ZNF587: variants seen among roughly 807,000 people sequenced by gnomAD.
ZNF587 encodes zinc finger protein 587.
ZNF587 carries 8 observed loss-of-function variants against 7.5 expected under a neutral mutation model. The observed-to-expected ratio is 1.06, with a 90% CI of 0.62 to 1.92. The LOEUF is 1.92. ZNF587 is among the 40% of genes most tolerant of loss of function. The pLI is 0.00. For missense variants in ZNF587, 468 were observed against 692.8 expected, an observed-to-expected ratio of 0.68 and a Z score of 3.64; for synonymous variants, 145 against 237.8, an observed-to-expected ratio of 0.61 and a Z score of 3.59.
At chr19:57,858,515 G>T (rs1460466733) in intron 2 of ZNF587, 61 bp from the exon 3 acceptor site, 142 of 1,554,178 alleles carry the variant, frequency 9.1e-5, no homozygotes, top group South Asian at 5.8e-4. Flanking sequence ...CGTACTTGTG[G>T]GTGGGCTGTG....
chr19:57,849,881 T>A lies in ZNF587; in HGVS notation c.-158T>A, dbSNP rs565628771. 5.3e-6 allele frequency: 8 copies of A among 1,509,750 alleles called. No individual in the cohort carries two copies. In the South Asian group the frequency reaches 7.6e-5, roughly 14 times the overall value. 93.5% of individuals were successfully genotyped at this position (1,509,750 alleles called of 1,614,324 possible). The stretch of plus-strand genomic sequence containing the variant: ...TCTAGTAGCGGCTGTGTATCGGCGA[T>A]GCGGGTGTTTCCCCAGTTTGTGGCC... On this transcript the variant is annotated 5_prime_UTR_variant, in exon 1 of 3. The change abolishes an upstream ATG in the 5' untranslated region. Coordinates refer to ENST00000339656, the MANE Select transcript of ZNF587 (RefSeq NM_032828.4).
chr19:57,857,783 T>A (rs542482938), intron 2 of ZNF587, among the ~76,000 whole-genome samples: 41 of 151,720 alleles, frequency 2.7e-4, no homozygotes, highest in African/African-American at 9.7e-4. Flanking sequence ...TACAGGCACA[T>A]GCCACCATGC....
In ZNF587 at chr19:57,862,565, A is replaced by T. The variant is rs1207729014; in HGVS notation, c.*2425A>T. On this transcript the variant is annotated 3_prime_UTR_variant, in exon 3 of 3. Coordinates refer to ENST00000339656, the MANE Select transcript of ZNF587 (RefSeq NM_032828.4). ...TCTGCTGAAATGGCAGTTTCTTCTC[A>T]GCAAGGTGAGATTATGGAATCCAGA... is the stretch of plus-strand genomic sequence containing the variant. 6.5e-6 allele frequency: 1 copy of T among 154,840 alleles called. No individual in the cohort carries two copies. The highest frequency in any genetic ancestry group is 1.5e-5 in the Non-Finnish European group (1 of 68,236). The allele number at this position is 154,840 out of a possible 1,614,324, so 9.6% of individuals were successfully genotyped here.
Position 57,860,149 on chromosome 19 carries a change from A to T in ZNF587, c.*9A>T, listed in dbSNP as rs1197956190. On this transcript the variant is annotated 3_prime_UTR_variant, in exon 3 of 3. Coordinates refer to ENST00000339656, the MANE Select transcript of ZNF587 (RefSeq NM_032828.4). ...GGAGAAAGGCCTTATGAGTGCAGTG[A>T]ATATGGGAAATCGTTTGCTGAAGCA... 1 of 1,614,034 alleles carries T rather than the reference A, an allele frequency of 6.2e-7. No individual in the cohort carries two copies. The highest frequency in any genetic ancestry group is 1.3e-5 in the African/African-American group (1 of 74,940).
chr19:57,850,690 C>T (rs151089597), intron 1 of ZNF587: 2 of 397,430 alleles, frequency 5.0e-6, no homozygotes, highest in East Asian at 7.1e-5. Flanking sequence ...AAAGGCGGGT[C>T]CAGGTGGCCA....
chr19:57,863,822 A>C lies in ZNF587; in HGVS notation c.*3682A>C, dbSNP rs922339337. The C allele has an allele frequency of 2.6e-5, 4 of 151,760 alleles. No homozygotes were observed. The highest frequency in any genetic ancestry group is 2.9e-5 in the Non-Finnish European group (2 of 67,972). 9.4% of individuals were successfully genotyped at this position (151,760 alleles called of 1,614,324 possible). A position where few individuals can be genotyped will look rare whatever the true frequency, so the allele number is the denominator to read the frequency against. On this transcript the variant is annotated 3_prime_UTR_variant, in exon 3 of 3. Coordinates refer to ENST00000339656, the MANE Select transcript of ZNF587 (RefSeq NM_032828.4). ...CACTTTGGGAGGCTGAGGTGGGCGGATCACAAGGTCAGGAGTTCAAGACCA... is the reference window on the plus strand; with the variant it reads ...CACTTTGGGAGGCTGAGGTGGGCGGCTCACAAGGTCAGGAGTTCAAGACCA...
intron 1 of ZNF587, 41 bp from the exon 2 acceptor site, chr19:57,856,063 A>G (rs2071351434): frequency 6.2e-7 from 1 of 1,611,302 alleles, no homozygotes; most frequent in African/African-American, 1.3e-5. Flanking sequence ...GTGGTACCTC[A>G]GCAGAGGGGC....
At position 57,860,363 on chromosome 19, in the gene ZNF587, G is replaced by T; in HGVS notation, c.*223G>T. On this transcript the variant is annotated 3_prime_UTR_variant, in exon 3 of 3. Transcript: ENST00000339656. ...GGCTCGCTGCAACTTGGGCCTCCTG[G>T]GTTCATGCAATCCTCCTACCTCAGC... 1.4e-6 allele frequency: 1 copy of T among 734,508 alleles called. No individual in the cohort carries two copies. Among genetic ancestry groups the T allele is most frequent in the Non-Finnish European group, 2.2e-6 (1 of 457,290 alleles). 45.5% of individuals were successfully genotyped at this position (734,508 alleles called of 1,614,324 possible). A position where few individuals can be genotyped will look rare whatever the true frequency, so the allele number is the denominator to read the frequency against.
chr19:57,852,695 T>C (rs2071295701), intron 1 of ZNF587, among the ~76,000 whole-genome samples: 2 of 152,070 alleles, frequency 1.3e-5, no homozygotes, highest in South Asian at 4.2e-4. Flanking sequence ...GCCCAGCTAA[T>C]TTTTGTATTT....
At position 57,861,581 on chromosome 19, in the gene ZNF587, G is replaced by C. The variant is rs1816479151; in HGVS notation, c.*1441G>C. ...TGGGCTCAGGCGATCCACTTGCCTA[G>C]GCTCCAAAAGTGCTTGGTCTACAGG... On this transcript the variant is annotated 3_prime_UTR_variant, in exon 3 of 3. Coordinates refer to ENST00000339656, the MANE Select transcript of ZNF587 (RefSeq NM_032828.4). 6.6e-6 allele frequency: 1 copy of C among 152,134 alleles called. No homozygotes were observed. Among genetic ancestry groups the C allele is most frequent in the South Asian group, 2.1e-4 (1 of 4,828 alleles). The allele number at this position is 152,134 out of a possible 1,614,324, so 9.4% of individuals were successfully genotyped here.
Position 57,863,011 on chromosome 19 carries a change from G to C in ZNF587, c.*2871G>C, listed in dbSNP as rs1341181170. On this transcript the variant is annotated 3_prime_UTR_variant, in exon 3 of 3. Transcript: ENST00000339656. Reference sequence around the variant, plus strand: ...TCTTTCACCCAGGCTGGAGTGCAGTGGCACGATCTCGGCTCACTGCAACTC... The same window carrying C: ...TCTTTCACCCAGGCTGGAGTGCAGTCGCACGATCTCGGCTCACTGCAACTC... 6.5e-6 allele frequency: 1 copy of C among 153,198 alleles called. No homozygotes were observed. Among genetic ancestry groups the C allele is most frequent in the Non-Finnish European group, 1.5e-5 (1 of 68,270 alleles). 9.5% of individuals were successfully genotyped at this position (153,198 alleles called of 1,614,324 possible). A position where few individuals can be genotyped will look rare whatever the true frequency, so the allele number is the denominator to read the frequency against.
intron 1 of ZNF587, chr19:57,850,864 C>A (rs979478602): frequency 7.1e-6 from 2 of 282,834 alleles, no homozygotes; most frequent in African/African-American, 4.4e-5. Flanking sequence ...ATGTAAAGCA[C>A]TGGCCGTTTC....
Position 57,850,070 on chromosome 19 carries a change from A to G in ZNF587, c.32A>G (p.Gln11Arg). 2 of 1,614,264 alleles carry G rather than the reference A, an allele frequency of 1.2e-6. No individual in the cohort carries two copies. The highest frequency in any genetic ancestry group is 2.2e-5 in the East Asian group (1 of 44,874). The stretch of plus-strand genomic sequence containing the variant: ...GCGGCTGTGCCGAGGCGCCCAACTC[A>G]GGTAATTGTGGTGCCTTCTGTGCCC... The part of the protein sequence containing the change: MAAAVPRRPT[Q>R]QGTVTFEDVA... The change falls in exon 1 of 3, where the codon CAG becomes CGG. Residue 11 changes from glutamine to arginine, a missense_variant and splice_region_variant. By Grantham distance (43) the Gln-to-Arg change is conservative (BLOSUM62 1). Around this residue, in one of 5 missense-constraint regions of ZNF587, gnomAD observed 92 missense variants for 89.7 expected, o/e 1.03. Transcript: ENST00000339656.
rs1322819152 is a variant in ZNF587 at position 57,863,789 on chromosome 19, A to C, written c.*3649A>C. The stretch of plus-strand genomic sequence containing the variant: ...GCCAGGTGTGGTGGCTGAGGCCTGT[A>C]ATCCCACCACTTTGGGAGGCTGAGG... On this transcript the variant is annotated 3_prime_UTR_variant, in exon 3 of 3. Coordinates refer to ENST00000339656, the MANE Select transcript of ZNF587 (RefSeq NM_032828.4). 2 of 151,912 alleles carry C rather than the reference A, an allele frequency of 1.3e-5. No individual in the cohort carries two copies. Among genetic ancestry groups the C allele is most frequent in the Admixed American group, 6.6e-5 (1 of 15,244 alleles). 9.4% of individuals were successfully genotyped at this position (151,912 alleles called of 1,614,324 possible). A position where few individuals can be genotyped will look rare whatever the true frequency, so the allele number is the denominator to read the frequency against.
At chr19:57,854,743 T>C (rs1331005984) in intron 1 of ZNF587, among the ~76,000 whole-genome samples, 1 of 151,984 alleles carries the variant, frequency 6.6e-6, no homozygotes, top group East Asian at 1.9e-4. Context: ...TCTTGTGAAA[T>C]AATTTTATTT....
chr19:57,852,913 C>A (rs914579998), intron 1 of ZNF587, among the ~76,000 whole-genome samples: 2 of 123,460 alleles, frequency 1.6e-5, no homozygotes, highest in African/African-American at 6.3e-5. Context: ...AGTCTAGTGG[C>A]ACAATCTCAG....
At position 57,861,503 on chromosome 19, in the gene ZNF587, G is replaced by C. The variant is rs892073662; in HGVS notation, c.*1363G>C. The C allele has an allele frequency of 6.6e-5, 10 of 152,052 alleles. No individual in the cohort carries two copies. Among genetic ancestry groups the C allele is most frequent in the African/African-American group, 2.4e-4 (10 of 41,484 alleles). The allele number at this position is 152,052 out of a possible 1,614,324, so 9.4% of individuals were successfully genotyped here. A position where few individuals can be genotyped will look rare whatever the true frequency, so the allele number is the denominator to read the frequency against. ...GCACCACCACAACTGGATAACTTTT[G>C]TATTTTCTGTAGAGAGGGTTTTACC... On this transcript the variant is annotated 3_prime_UTR_variant, in exon 3 of 3. Coordinates refer to ENST00000339656, the MANE Select transcript of ZNF587 (RefSeq NM_032828.4).
At chr19:57,850,564 G>C (rs2071269159) in intron 1 of ZNF587, 1 of 412,994 alleles carries the variant, frequency 2.4e-6, no homozygotes, top group African/African-American at 2.0e-5. Context: ...TGCAGGATCT[G>C]CAAAATGCCC....
rs2071428029 is a variant in ZNF587, at chr19:57,861,188, A to T, written c.*1048A>T. On this transcript the variant is annotated 3_prime_UTR_variant, in exon 3 of 3. Transcript: ENST00000339656. ...AATGCCAAACTATGACTTAAGAATG[A>T]AATTATTGCTCATTTGTATATCTAT... 1 of 152,140 alleles carries T rather than the reference A, an allele frequency of 6.6e-6. No homozygotes were observed. The highest frequency in any genetic ancestry group is 6.6e-5 in the Admixed American group (1 of 15,266). The allele number at this position is 152,140 out of a possible 1,614,324, so 9.4% of individuals were successfully genotyped here. A position where few individuals can be genotyped will look rare whatever the true frequency, so the allele number is the denominator to read the frequency against.
Sources: gnomAD v4.1 joint callset for allele counts (sites outside exome capture counted in the v4.1 genomes callset) on GRCh38, gnomAD v4.1.1 for gene constraint, gnomAD v4.1.1 regional missense constraint, MANE v1.5 for transcripts, NCBI Gene and HGNC (gene_info 2026-07-23, HGNC 2026-07-21) for gene names.